The following CEACAM4 variants were observed in gnomAD, a reference collection of about 807,000 sequenced individuals.
CEACAM4 encodes cell adhesion molecule CEACAM4.
CEACAM4 carries 30 observed loss-of-function variants against 28.7 expected under a neutral mutation model. The ratio of observed to expected loss-of-function variants is 1.05; its 90% CI spans 0.78 to 1.42. CEACAM4 has a LOEUF of 1.42. CEACAM4 is among the 40% of genes most tolerant of loss of function. The pLI, the probability that CEACAM4 is intolerant of heterozygous loss-of-function variation, is 0.00. For missense variants in CEACAM4, 330 were observed against 308.2 expected (o/e 1.07, Z -0.53); for synonymous variants, 143 against 126.5 (o/e 1.13, Z -0.87).
In CEACAM4 at chr19:41,619,320, C is replaced by G; in HGVS notation, c.*10G>C. ...CTCCATCAACCCACAAGAGCAGCTC[C>G]CAGAGGAACCTAAGAGACCACATCT... is the stretch of plus-strand genomic sequence containing the variant. On this transcript the variant is annotated 3_prime_UTR_variant, in exon 7 of 7. Transcript: ENST00000221954. The G allele has an allele frequency of 6.2e-7, 1 of 1,612,978 alleles. No individual in the cohort carries two copies. The highest frequency in any genetic ancestry group is 8.5e-7 in the Non-Finnish European group (1 of 1,178,982).
At chr19:41,618,569 T>A (rs376141281), downstream of CEACAM4, among the ~76,000 whole-genome samples, 4 of 152,230 alleles carry the variant, frequency 2.6e-5, no homozygotes, top group African/African-American at 9.6e-5. Context: ...AGTGATAGAC[T>A]GGGCCTCCAG....
In CEACAM4 at chr19:41,625,592, A is replaced by G. The variant is rs782428375; in HGVS notation, c.424+9T>C. 2.1e-5 allele frequency: 33 copies of G among 1,558,686 alleles called. No individual in the cohort carries two copies. Among genetic ancestry groups the G allele is most frequent in the Non-Finnish European group, 2.5e-5 (29 of 1,151,372 alleles). ...CGCCAGCACCCAGAGGTATGGGGGA[A>G]TCACTCACGGTGTACGTGGAGCTGG... On this transcript the variant is annotated intron_variant, in intron 2 of 6. Transcript: ENST00000221954.
chr19:41,623,436 T>C (rs2071438317), intron 2 of CEACAM4, among the ~76,000 whole-genome samples: 1 of 145,244 alleles, frequency 6.9e-6, no homozygotes, highest in Admixed American at 6.8e-5. Context: ...TTTTTTTTTT[T>C]TTTTTTGCCT....
chr19:41,622,786 A>G (rs1425283042), intron 2 of CEACAM4, among the ~76,000 whole-genome samples: 1 of 152,114 alleles, frequency 6.6e-6, no homozygotes, highest in African/African-American at 2.4e-5. Flanking sequence ...CCTAATAAAC[A>G]TCCTCACAAC....
chr19:41,619,747 G>A (rs547709263), intron 5 of CEACAM4, 36 bp from the exon 6 acceptor site: 3 of 1,520,582 alleles, frequency 2.0e-6, no homozygotes, highest in African/African-American at 2.8e-5. Context: ...AGGGGACAGG[G>A]AGGGAGGGTC....
intron 6 of CEACAM4, 136 bp downstream of exon 6, chr19:41,619,534 T>A (rs2071122675): frequency 6.5e-7 from 1 of 1,542,136 alleles, no homozygotes; most frequent in South Asian, 1.2e-5. Context: ...CCCAGGCCCC[T>A]CCCTCCTCTG....
downstream of CEACAM4, among the ~76,000 whole-genome samples, chr19:41,614,499 C>T (rs1402917083): frequency 6.6e-6 from 1 of 152,224 alleles, no homozygotes; most frequent in African/African-American, 2.4e-5. Flanking sequence ...CATGTCCTCA[C>T]CTTTCTTGGC....
At chr19:41,620,321 A>C (rs2071193370) in intron 4 of CEACAM4, 79 bp from the exon 5 acceptor site, 1 of 1,270,868 alleles carries the variant, frequency 7.9e-7, no homozygotes, top group East Asian at 2.9e-5. Context: ...AGGGGTCCTC[A>C]GCTCCCAGAG....
chr19:41,625,806 T>C lies in CEACAM4; in HGVS notation c.219A>G (p.Ala73=), dbSNP rs1555803751. Reference sequence around the variant, plus strand: ...AACCAGCAATGAGAGGGCTCCCTTCTGCCGTTTTCCCCTTGTGCCAATAAT... The same window carrying C: ...AACCAGCAATGAGAGGGCTCCCTTCCGCCGTTTTCCCCTTGTGCCAATAAT... ...QAYYWHKGKT[A]EGSPLIAGYI... is the part of the protein sequence containing the mutation. The change falls in exon 2 of 7, where the codon GCA becomes GCG. Residue 73 remains alanine (A), a synonymous_variant. Coordinates refer to ENST00000221954, the MANE Select transcript of CEACAM4 (RefSeq NM_001817.4). 1 of 1,614,034 alleles carries C rather than the reference T, an allele frequency of 6.2e-7. No individual in the cohort carries two copies. Among genetic ancestry groups the C allele is most frequent in the Admixed American group, 1.7e-5 (1 of 60,018 alleles).
chr19:41,623,189 T>A (rs1052061867), intron 2 of CEACAM4, among the ~76,000 whole-genome samples: 2 of 152,176 alleles, frequency 1.3e-5, no homozygotes, highest in Non-Finnish European at 2.9e-5. Flanking sequence ...CCTAATTTTT[T>A]GTATTTTTAG....
intron 5 of CEACAM4, among the ~76,000 whole-genome samples, 185 bp from the exon 6 acceptor site, chr19:41,619,896 C>T (rs1280973143): frequency 6.6e-6 from 1 of 152,062 alleles, no homozygotes; most frequent in Admixed American, 6.5e-5. Context: ...AACACCCTGA[C>T]CCCTGTCCTG....
chr19:41,614,412 G>A (rs1244952374), downstream of CEACAM4, among the ~76,000 whole-genome samples: 3 of 152,202 alleles, frequency 2.0e-5, no homozygotes, highest in African/African-American at 4.8e-5. Context: ...GCGTGTGCGC[G>A]TTAAACATGG....
Position 41,619,015 on chromosome 19 carries a change from T to G in CEACAM4, c.*315A>C, listed in dbSNP as rs1555799762. 1 of 370,416 alleles carries G rather than the reference T, an allele frequency of 2.7e-6. No homozygotes were observed. Among genetic ancestry groups the G allele is most frequent in the African/African-American group, 2.1e-5 (1 of 47,806 alleles). The allele number at this position is 370,416 out of a possible 1,614,324, so 22.9% of individuals were successfully genotyped here. Reference sequence around the variant, plus strand: ...TTCCCGTGAGCAGAAAAAGAGCCAATGAGAGGAAGGGTCCTCTTTATTCAG... The same window carrying G: ...TTCCCGTGAGCAGAAAAAGAGCCAAGGAGAGGAAGGGTCCTCTTTATTCAG... On this transcript the variant is annotated 3_prime_UTR_variant, in exon 7 of 7. Transcript: ENST00000221954.
downstream of CEACAM4, among the ~76,000 whole-genome samples, chr19:41,616,800 C>T (rs564459457): frequency 4.9e-4 from 74 of 152,176 alleles, no homozygotes; most frequent in Non-Finnish European, 8.8e-4. Flanking sequence ...GAGAATCAGA[C>T]GTTAATCATG....
intron 5 of CEACAM4, 78 bp downstream of exon 5, chr19:41,620,132 TG>T: frequency 1.6e-6 from 2 of 1,272,464 alleles, no homozygotes; most frequent in South Asian, 1.4e-5. Flanking sequence ...TGCTGTGCTG[TG>T]GGGTTGATGG....
chr19:41,619,750 G>A (rs782148601), intron 5 of CEACAM4, 39 bp from the exon 6 acceptor site: 72 of 1,502,154 alleles, frequency 4.8e-5, no homozygotes, highest in Non-Finnish European at 6.1e-5. Flanking sequence ...GGACAGGGAG[G>A]GAGGGTCACG....
In CEACAM4 at chr19:41,619,721, G is replaced by T; in HGVS notation, c.628-10C>A. 6.4e-7 allele frequency: 1 copy of T among 1,560,564 alleles called. No individual in the cohort carries two copies. Among genetic ancestry groups the T allele is most frequent in the South Asian group, 1.2e-5 (1 of 83,648 alleles). On this transcript the variant is annotated splice_polypyrimidine_tract_variant and intron_variant, in intron 5 of 6. Coordinates refer to ENST00000221954, the MANE Select transcript of CEACAM4 (RefSeq NM_001817.4). ...GGCTGGGTAGAGGGGCCTGGGCAGG[G>T]GAGAGAGGAGATGTCAGGGGACAGG...
intron 2 of CEACAM4, among the ~76,000 whole-genome samples, chr19:41,622,257 T>C (rs140485019): frequency 9.5e-4 from 145 of 152,198 alleles, no homozygotes; most frequent in African/African-American, 3.3e-3. Flanking sequence ...TTTATATTTT[T>C]AGTAGAGATG....
At chr19:41,622,847 C>CATATAT (rs67983728) in intron 2 of CEACAM4, among the ~76,000 whole-genome samples, 104 of 123,616 alleles carry the variant, frequency 8.4e-4, no homozygotes, top group African/African-American at 3.2e-3. Context: ...CATATATATA[C>CATATAT]ATATATATAG....
Sources: allele counts gnomAD v4.1 joint callset (sites outside exome capture counted in the v4.1 genomes callset), GRCh38; gene constraint gnomAD v4.1.1; transcripts MANE v1.5; gene names NCBI Gene and HGNC (gene_info 2026-07-23, HGNC 2026-07-21).